Variants in KCNQ3 observed in about 807,000 individuals in gnomAD.
KCNQ3 encodes potassium voltage-gated channel subfamily KQT member 3.
Under a neutral mutation model 92.5 loss-of-function variants are expected in KCNQ3, and 30 were observed. The observed-to-expected ratio is 0.32, with a 90% CI of 0.24 to 0.44. The LOEUF is 0.44. Ranked by LOEUF, KCNQ3 falls within the 20% of genes least tolerant of loss-of-function variation. The pLI is 1.00. For synonymous variants in KCNQ3, 450 were observed against 468.8 expected, an observed-to-expected ratio of 0.96 and a Z score of 0.52; for missense variants, 913 against 1,140.3, an observed-to-expected ratio of 0.80 and a Z score of 2.87.
At chr8:132,161,232 A>G (rs1284807473) in intron 9 of KCNQ3, among the ~76,000 whole-genome samples, 1 of 152,216 alleles carries the variant, frequency 6.6e-6, no homozygotes, top group Non-Finnish European at 1.5e-5. Flanking sequence ...TAAGTTACAG[A>G]GAATATAATT....
At chr8:132,380,436 A>G (rs1484570230) in intron 1 of KCNQ3, among the ~76,000 whole-genome samples, 1 of 152,188 alleles carries the variant, frequency 6.6e-6, no homozygotes, top group Non-Finnish European at 1.5e-5. Context: ...CAAATTATTC[A>G]TCAGAAGCCG....
intron 1 of KCNQ3, among the ~76,000 whole-genome samples, chr8:132,420,177 G>A (rs1339972225): frequency 6.6e-6 from 1 of 152,092 alleles, no homozygotes; most frequent in African/African-American, 2.4e-5. Context: ...TCTTGTACAA[G>A]AGAGCACTAA....
At chr8:132,130,144 G>A (rs1421466787) in intron 14 of KCNQ3, 148 bp from the exon 15 acceptor site, 10 of 902,130 alleles carry the variant, frequency 1.1e-5, no homozygotes, top group Admixed American at 7.8e-5. Flanking sequence ...GTGCAGTGGC[G>A]CGATCTGGGC....
chr8:132,367,769 C>G lies in KCNQ3; in HGVS notation c.386+112378G>C, dbSNP rs143526865. 5.3e-3 allele frequency among the ~76,000 whole-genome samples: 802 copies of G among 152,296 alleles called. 6 individuals are homozygous for G. The highest frequency in any genetic ancestry group is 0.018 in the African/African-American group (750 of 41,558). ...TTCTGCTAATATCTTTCTCCCAGATCAATTCTCAGAATTAAATATGCTCAT... is the reference window on the plus strand; with the variant it reads ...TTCTGCTAATATCTTTCTCCCAGATGAATTCTCAGAATTAAATATGCTCAT... On this transcript the variant is annotated intron_variant, in intron 1 of 14. Coordinates refer to ENST00000388996, the MANE Select transcript of KCNQ3 (RefSeq NM_004519.4).
At chr8:132,392,209 A>C (rs989875894) in intron 1 of KCNQ3, among the ~76,000 whole-genome samples, 2 of 152,054 alleles carry the variant, frequency 1.3e-5, no homozygotes, top group African/African-American at 4.8e-5. Context: ...TCTGGGGTCA[A>C]TTTTATTGAC....
intron 1 of KCNQ3, among the ~76,000 whole-genome samples, chr8:132,239,463 T>C (rs776661515): frequency 2.1e-4 from 32 of 152,190 alleles, no homozygotes; most frequent in Admixed American, 1.8e-3. Context: ...AAGGTGGTGA[T>C]GTAGAAGAAG....
chr8:132,367,768 T>C (rs1164046199), intron 1 of KCNQ3, among the ~76,000 whole-genome samples: 1 of 152,200 alleles, frequency 6.6e-6, no homozygotes. Context: ...TTCTCCCAGA[T>C]CAATTCTCAG....
intron 12 of KCNQ3, 128 bp from the exon 13 acceptor site, chr8:132,134,516 A>T: frequency 1.5e-6 from 1 of 686,064 alleles, no homozygotes; most frequent in African/African-American, 1.8e-5. Context: ...AGAGGAGAGG[A>T]GAAGTGAGGA....
At chr8:132,423,960 T>C (rs1821039930) in intron 1 of KCNQ3, among the ~76,000 whole-genome samples, 1 of 152,128 alleles carries the variant, frequency 6.6e-6, no homozygotes, top group Non-Finnish European at 1.5e-5. Context: ...AAAAATTATT[T>C]CTGGGATTTA....
intron 8 of KCNQ3, among the ~76,000 whole-genome samples, chr8:132,165,268 A>G (rs892808640): frequency 7.2e-5 from 11 of 152,302 alleles, no homozygotes; most frequent in Non-Finnish European, 1.2e-4. Context: ...GCACATCCCT[A>G]TCTTATCTTC....
At chr8:132,249,671 T>C (rs187412326) in intron 1 of KCNQ3, among the ~76,000 whole-genome samples, 32 of 152,292 alleles carry the variant, frequency 2.1e-4, no homozygotes, top group African/African-American at 7.7e-4. Context: ...ACCTCAGCTG[T>C]TGGGCAGTCG....
At chr8:132,367,131 AG>A (rs1402340463) in intron 1 of KCNQ3, among the ~76,000 whole-genome samples, 1 of 152,224 alleles carries the variant, frequency 6.6e-6, no homozygotes, top group African/African-American at 2.4e-5. Flanking sequence ...TCTGATTCTG[AG>A]GCTGCTTCAC....
chr8:132,196,178 T>A (rs4610724), intron 1 of KCNQ3, among the ~76,000 whole-genome samples: 17,819 of 152,134 alleles, frequency 0.12, 1,946 homozygotes, highest in African/African-American at 0.29. Flanking sequence ...CTCATCCAAA[T>A]GACTCCTCCT....
intron 1 of KCNQ3, among the ~76,000 whole-genome samples, chr8:132,392,684 C>A (rs942241528): frequency 2.0e-5 from 3 of 150,806 alleles, no homozygotes; most frequent in African/African-American, 7.3e-5. Flanking sequence ...ATCTGTAATC[C>A]CAGCTACTCA....
chr8:132,429,250 G>T (rs1422663124), intron 1 of KCNQ3, among the ~76,000 whole-genome samples: 1 of 152,160 alleles, frequency 6.6e-6, no homozygotes, highest in Non-Finnish European at 1.5e-5. Flanking sequence ...CCTTATCATT[G>T]CAGGCTTAAC....
At chr8:132,209,552 C>A (rs1813787478) in intron 1 of KCNQ3, among the ~76,000 whole-genome samples, 1 of 152,108 alleles carries the variant, frequency 6.6e-6, no homozygotes, top group Middle Eastern at 3.4e-3. Flanking sequence ...CAAACACACA[C>A]ACACACACAC....
chr8:132,350,475 C>T (rs1818828347), intron 1 of KCNQ3, among the ~76,000 whole-genome samples: 1 of 152,070 alleles, frequency 6.6e-6, no homozygotes, highest in Non-Finnish European at 1.5e-5. Context: ...ATCACCTAGC[C>T]AATGAGCACC....
At chr8:132,472,458 A>G (rs1271726176) in intron 1 of KCNQ3, among the ~76,000 whole-genome samples, 1 of 152,218 alleles carries the variant, frequency 6.6e-6, no homozygotes, top group East Asian at 1.9e-4. Flanking sequence ...CATTTGCAGC[A>G]ACTTGGATGG....
intron 14 of KCNQ3, among the ~76,000 whole-genome samples, chr8:132,130,369 G>A (rs557541621): frequency 3.9e-5 from 6 of 152,272 alleles, no homozygotes; most frequent in African/African-American, 7.2e-5. Flanking sequence ...GAACCACCGC[G>A]CCTGACCGGA....
Sources: gnomAD v4.1 joint callset for allele counts (sites outside exome capture counted in the v4.1 genomes callset) on GRCh38, gnomAD v4.1.1 for gene constraint, MANE v1.5 for transcripts, NCBI Gene and HGNC (gene_info 2026-07-23, HGNC 2026-07-21) for gene names.